Variants in GPR158 observed in about 807,000 individuals in gnomAD.
GPR158 encodes the protein metabotropic glycine receptor.
In GPR158, 30 loss-of-function variants were observed where a neutral mutation model predicts 78.2. The ratio of observed to expected loss-of-function variants is 0.38; its 90% CI spans 0.29 to 0.52. GPR158 has a LOEUF of 0.52. Ranked by LOEUF, GPR158 falls within the 20% of genes least tolerant of loss-of-function variation. The pLI is 0.83. For synonymous variants in GPR158, 581 were observed against 591.1 expected (o/e 0.98, Z 0.25); for missense variants, 1,463 against 1,523.5 (o/e 0.96, Z 0.66).
At chr10:25,396,435 A>T (rs824591) in intron 3 of GPR158, among the ~76,000 whole-genome samples, 115,792 of 152,084 alleles carry the variant, frequency 0.76, 44,899 homozygotes, top group Non-Finnish European at 0.81. Flanking sequence ...TCGTTATCAT[A>T]CGGTTCCCAT....
chr10:25,280,707 T>G (rs1055116537), intron 2 of GPR158, among the ~76,000 whole-genome samples: 5 of 151,492 alleles, frequency 3.3e-5, no homozygotes, highest in South Asian at 4.2e-4. Flanking sequence ...TCAACACATT[T>G]TATGTATGTA....
In GPR158 at chr10:25,219,312, G is replaced by A. The variant is rs79384381; in HGVS notation, c.903-1740G>A. Among the ~76,000 whole-genome samples, 1,454 of 152,272 alleles carry A rather than the reference G, an allele frequency of 9.5e-3. 33 individuals are homozygous for A. Among genetic ancestry groups the A allele is most frequent in the African/African-American group, 0.033 (1,354 of 41,544 alleles). On this transcript the variant is annotated intron_variant, in intron 1 of 10. Transcript: ENST00000376351. ...GGTTTGCCTTTCTGTCGTGCATAGT[G>A]TTATCTTACAGTGATATGCACATAC...
chr10:25,590,813 T>C (rs543544750), intron 8 of GPR158, among the ~76,000 whole-genome samples: 1 of 152,124 alleles, frequency 6.6e-6, no homozygotes, highest in Non-Finnish European at 1.5e-5. Context: ...AACTGCTAGA[T>C]TTTTTTAGAA....
intron 5 of GPR158, among the ~76,000 whole-genome samples, chr10:25,514,107 A>T (rs1328277102): frequency 6.6e-6 from 1 of 152,120 alleles, no homozygotes; most frequent in East Asian, 1.9e-4. Context: ...CTGTCAGTGG[A>T]GTATTCAAGT....
At chr10:25,575,427 G>A (rs1466831088) in intron 7 of GPR158, among the ~76,000 whole-genome samples, 3 of 152,108 alleles carry the variant, frequency 2.0e-5, no homozygotes, top group East Asian at 3.9e-4. Context: ...GGCTCTCAAA[G>A]TGTGGTCCCA....
chr10:25,291,442 T>C (rs1016170170), intron 2 of GPR158, among the ~76,000 whole-genome samples: 1 of 152,020 alleles, frequency 6.6e-6, no homozygotes, highest in Non-Finnish European at 1.5e-5. Context: ...TAAATTTCTT[T>C]TGTTTTTCAT....
chr10:25,494,967 C>G (rs916028632), intron 5 of GPR158, among the ~76,000 whole-genome samples: 2 of 151,830 alleles, frequency 1.3e-5, no homozygotes, highest in African/African-American at 4.8e-5. Context: ...AGCACACGTC[C>G]CATATTCCAT....
rs760840189 is a variant in GPR158 at position 25,599,031 on chromosome 10, C to A, written c.3405C>A (p.Asn1135Lys). 3 of 1,614,032 alleles carry A rather than the reference C, an allele frequency of 1.9e-6. No individual in the cohort carries two copies. The South Asian group carries it at 3.3e-5, about 18-fold the overall frequency. Residue 1135 changes from asparagine (N) to lysine (K), a missense_variant, in exon 11 of 11, where the codon AAC becomes AAA. Physicochemically the swap from Asn to Lys is moderately conservative, Grantham distance 94. Transcript: ENST00000376351. ...VASKTENENL[N>K]QIGHQEKKTS... The stretch of plus-strand genomic sequence containing the variant: ...CAAAAACAGAGAATGAAAATCTCAA[C>A]CAAATAGGACACCAGGAAAAAAAGA...
intron 1 of GPR158, among the ~76,000 whole-genome samples, chr10:25,219,899 TG>T (rs1391718075): frequency 6.6e-6 from 1 of 152,196 alleles, no homozygotes; most frequent in Non-Finnish European, 1.5e-5. Context: ...GCATAATGTT[TG>T]GTTTTCTTAA....
intron 5 of GPR158, among the ~76,000 whole-genome samples, chr10:25,483,880 T>A (rs978352256): frequency 6.6e-6 from 1 of 152,216 alleles, no homozygotes; most frequent in African/African-American, 2.4e-5. Flanking sequence ...CTGCTGCATC[T>A]ATTTCCATCA....
intron 4 of GPR158, among the ~76,000 whole-genome samples, chr10:25,449,056 T>C (rs1835179379): frequency 6.6e-6 from 1 of 152,246 alleles, no homozygotes; most frequent in South Asian, 2.1e-4. Flanking sequence ...CCTTGAATTT[T>C]ATGACATCAT....
chr10:25,547,768 C>T (rs753058488), intron 5 of GPR158, among the ~76,000 whole-genome samples: 2 of 152,166 alleles, frequency 1.3e-5, no homozygotes, highest in African/African-American at 2.4e-5. Flanking sequence ...GCCCTGAGCA[C>T]ATCACTTAAA....
chr10:25,504,158 T>C (rs1461135162), intron 5 of GPR158, among the ~76,000 whole-genome samples: 1 of 152,178 alleles, frequency 6.6e-6, no homozygotes, highest in African/African-American at 2.4e-5. Context: ...CCCAAAGTAC[T>C]GGGATTACAG....
At chr10:25,503,118 T>A (rs1394399857) in intron 5 of GPR158, among the ~76,000 whole-genome samples, 3 of 151,940 alleles carry the variant, frequency 2.0e-5, no homozygotes, top group Non-Finnish European at 4.4e-5. Flanking sequence ...GGCTCATGCC[T>A]GTAATCCCAG....
intron 5 of GPR158, among the ~76,000 whole-genome samples, chr10:25,479,433 A>T (rs1337882176): frequency 6.6e-6 from 1 of 151,960 alleles, no homozygotes; most frequent in Non-Finnish European, 1.5e-5. Flanking sequence ...TTCTTTCCAG[A>T]TGCCAGTAAA....
At chr10:25,469,950 G>A (rs1484417739) in intron 5 of GPR158, among the ~76,000 whole-genome samples, 1 of 151,656 alleles carries the variant, frequency 6.6e-6, no homozygotes, top group Non-Finnish European at 1.5e-5. Context: ...AATCTATTTT[G>A]AAAATGTCAG....
intron 2 of GPR158, among the ~76,000 whole-genome samples, chr10:25,337,097 T>C (rs1855219616): frequency 6.6e-6 from 1 of 152,154 alleles, no homozygotes; most frequent in African/African-American, 2.4e-5. Flanking sequence ...CACATCTCTT[T>C]CTCAAAGAGA....
chr10:25,493,873 G>C (rs1156864524), intron 5 of GPR158, among the ~76,000 whole-genome samples: 1 of 152,190 alleles, frequency 6.6e-6, no homozygotes, highest in African/African-American at 2.4e-5. Flanking sequence ...TTTACAAAAA[G>C]TAGTTGAGGT....
chr10:25,319,842 C>A (rs965058649), intron 2 of GPR158, among the ~76,000 whole-genome samples: 6 of 148,108 alleles, frequency 4.1e-5, no homozygotes, highest in African/African-American at 1.5e-4. Context: ...AAAAAAAACC[C>A]TGACCTGATT....
Sources: allele counts gnomAD v4.1 joint callset (sites outside exome capture counted in the v4.1 genomes callset), GRCh38; gene constraint gnomAD v4.1.1; transcripts MANE v1.5; gene names NCBI Gene and HGNC (gene_info 2026-07-23, HGNC 2026-07-21).